The following RPRD1A variants were observed in gnomAD, a reference collection of about 807,000 sequenced individuals.
The protein encoded by RPRD1A is regulation of nuclear pre-mRNA domain containing 1A, also known as regulation of nuclear pre-mRNA domain-containing protein 1A.
RPRD1A carries 9 observed loss-of-function variants against 37.8 expected under a neutral mutation model. The observed-to-expected ratio is 0.24, with a 90% confidence interval of 0.14 to 0.42. RPRD1A has a LOEUF of 0.42. Among genes scored for constraint, RPRD1A ranks in the 10% least tolerant of loss-of-function variants. The pLI, the probability that RPRD1A is intolerant of heterozygous loss-of-function variation, is 1.00. For synonymous variants in RPRD1A, 138 were observed against 139.7 expected, an observed-to-expected ratio of 0.99 and a Z score of 0.08; for missense variants, 255 against 371.0, an observed-to-expected ratio of 0.69 and a Z score of 2.57.
At chr18:36,020,122 A>T (rs1910894100) in intron 6 of RPRD1A, among the ~76,000 whole-genome samples, 1 of 152,212 alleles carries the variant, frequency 6.6e-6, no homozygotes, top group Non-Finnish European at 1.5e-5. Context: ...ATAATGACCG[A>T]AAGTAATGTA....
chr18:36,055,990 T>C (rs897342042), intron 1 of RPRD1A, among the ~76,000 whole-genome samples: 1 of 152,100 alleles, frequency 6.6e-6, no homozygotes, highest in African/African-American at 2.4e-5. Flanking sequence ...TCTATCAAGG[T>C]CTCTTAAATC....
Position 36,026,835 on chromosome 18 carries a change from T to C in RPRD1A, c.789+65A>G. On this transcript the variant is annotated intron_variant, in intron 6 of 6. Coordinates refer to ENST00000399022, the MANE Select transcript of RPRD1A (RefSeq NM_018170.5). ...CAAAATGTGCACATAGATTAAAATA[T>C]TTTAAAATTCCTAACAAAAAGAGAA... 1.4e-6 allele frequency: 2 copies of C among 1,465,456 alleles called. No individual in the cohort carries two copies. The highest frequency in any genetic ancestry group is 1.8e-6 in the Non-Finnish European group (2 of 1,084,794). 90.8% of individuals were successfully genotyped at this position (1,465,456 alleles called of 1,614,324 possible). A position where few individuals can be genotyped will look rare whatever the true frequency, so the allele number is the denominator to read the frequency against.
intron 1 of RPRD1A, among the ~76,000 whole-genome samples, chr18:36,049,320 TTTC>T (rs1160351553): frequency 6.6e-6 from 1 of 152,232 alleles, no homozygotes; most frequent in Non-Finnish European, 1.5e-5. Context: ...GAGAAACTAA[TTTC>T]TTTTTTAAAC....
At chr18:35,994,063 A>C (rs1908874926) in intron 6 of RPRD1A, among the ~76,000 whole-genome samples, 1 of 152,178 alleles carries the variant, frequency 6.6e-6, no homozygotes, top group Non-Finnish European at 1.5e-5. Context: ...CCCTTTCTCC[A>C]AAAGCTCAGC....
chr18:36,017,089 T>C (rs952406197), intron 6 of RPRD1A, among the ~76,000 whole-genome samples: 4 of 151,962 alleles, frequency 2.6e-5, no homozygotes, highest in Non-Finnish European at 5.9e-5. Flanking sequence ...GTGGATCACC[T>C]ACCTGAGCCC....
chr18:36,002,642 T>C (rs1332714279), intron 6 of RPRD1A, among the ~76,000 whole-genome samples: 1 of 152,238 alleles, frequency 6.6e-6, no homozygotes, highest in Non-Finnish European at 1.5e-5. Flanking sequence ...CTACTTTTTC[T>C]GTTAGACCCC....
Position 36,067,508 on chromosome 18 carries a change from G to T in RPRD1A, c.-104C>A. 1.6e-6 allele frequency: 2 copies of T among 1,227,066 alleles called. No homozygotes were observed. The highest frequency in any genetic ancestry group is 3.0e-5 in the South Asian group (2 of 66,884). 76.0% of individuals were successfully genotyped at this position (1,227,066 alleles called of 1,614,324 possible). A position where few individuals can be genotyped will look rare whatever the true frequency, so the allele number is the denominator to read the frequency against. ...GCCCCCTCACCCCACCCTTCCCCAC[G>T]CTCTCACCACGGCCGCCGCTTCATC... On this transcript the variant is annotated 5_prime_UTR_variant, in exon 1 of 7. Coordinates refer to ENST00000399022, the MANE Select transcript of RPRD1A (RefSeq NM_018170.5).
At chr18:36,013,549 G>A (rs1470749487) in intron 6 of RPRD1A, among the ~76,000 whole-genome samples, 2 of 151,878 alleles carry the variant, frequency 1.3e-5, no homozygotes, top group African/African-American at 4.8e-5. Flanking sequence ...TAGGATAAAG[G>A]AAAAAAATAC....
chr18:36,007,672 G>A (rs1179188237), intron 6 of RPRD1A, among the ~76,000 whole-genome samples: 1 of 152,180 alleles, frequency 6.6e-6, no homozygotes, highest in Non-Finnish European at 1.5e-5. Flanking sequence ...GGGCACGGTG[G>A]CTCATGCCTG....
Position 36,037,161 on chromosome 18 carries a change from C to T in RPRD1A, c.152-3324G>A, listed in dbSNP as rs1169905501. ...TCTCCCCATGAATATATCACACCAA[C>T]ACAGAAACAATCATAAATAACATAT... On this transcript the variant is annotated intron_variant, in intron 1 of 6. Transcript: ENST00000399022. Among the ~76,000 whole-genome samples the T allele has an allele frequency of 2.6e-5, 4 of 152,148 alleles. No homozygotes were observed. The East Asian group carries it at 7.7e-4, about 29-fold the overall frequency.
chr18:36,008,577 G>GTGTGTGTGTATATA lies in RPRD1A; in HGVS notation c.790-15278_790-15277insTATATACACACACA. On this transcript the variant is annotated intron_variant, in intron 6 of 6. Transcript: ENST00000399022. ...GGCGACACAGCAAGACCTTGTGTGT[G>GTGTGTGTGTATATA]TATATATATATATCTTTAAAAATCT... Among the ~76,000 whole-genome samples the GTGTGTGTGTATATA allele has an allele frequency of 3.8e-4, 18 of 47,800 alleles. 3 individuals carry two copies. Among genetic ancestry groups the GTGTGTGTGTATATA allele is most frequent in the Admixed American group, 2.5e-3 (9 of 3,558 alleles). The allele number at this position is 47,800 out of a possible 152,430, so 31.4% of individuals were successfully genotyped here.
rs771643524 is a variant in RPRD1A at position 36,026,956 on chromosome 18, C to T, written c.733G>A (p.Ala245Thr). The T allele has an allele frequency of 6.2e-7, 1 of 1,614,000 alleles. No individual in the cohort carries two copies. Among genetic ancestry groups the T allele is most frequent in the South Asian group, 1.1e-5 (1 of 91,064 alleles). ...DDRKQLTRML[A>T]DFLRCQKEAL... ...TCCTTTTGACAACGAAGAAAATCTG[C>T]TAACATTCGAGTGAGTTGCTTTCTA... The change falls in exon 6 of 7, where the codon GCA becomes ACA. Residue 245 changes from alanine (A) to threonine (T), a missense_variant. Around this residue, in one of 2 missense-constraint regions of RPRD1A, gnomAD observed 211 missense variants for 268.9 expected, o/e 0.78. Transcript: ENST00000399022.
chr18:36,059,945 T>C (rs2088872466), intron 1 of RPRD1A, among the ~76,000 whole-genome samples: 1 of 152,180 alleles, frequency 6.6e-6, no homozygotes, highest in African/African-American at 2.4e-5. Flanking sequence ...CCATGTCAGT[T>C]TGACAACATT....
intron 6 of RPRD1A, among the ~76,000 whole-genome samples, chr18:36,004,383 T>C (rs1380814792): frequency 1.3e-5 from 2 of 151,844 alleles, no homozygotes; most frequent in Admixed American, 6.6e-5. Context: ...GCCTCCCGAG[T>C]AGCTAGGACT....
Position 36,008,577 on chromosome 18 carries a change from G to GTGTGTGTATA in RPRD1A, c.790-15278_790-15277insTATACACACA. 3.8e-4 allele frequency among the ~76,000 whole-genome samples: 18 copies of GTGTGTGTATA among 47,798 alleles called. 4 individuals are homozygous for GTGTGTGTATA. The highest frequency in any genetic ancestry group is 3.7e-3 in the South Asian group (4 of 1,094). 31.4% of individuals were successfully genotyped at this position (47,798 alleles called of 152,430 possible). The stretch of plus-strand genomic sequence containing the variant: ...GGCGACACAGCAAGACCTTGTGTGT[G>GTGTGTGTATA]TATATATATATATCTTTAAAAATCT... On this transcript the variant is annotated intron_variant, in intron 6 of 6. Coordinates refer to ENST00000399022, the MANE Select transcript of RPRD1A (RefSeq NM_018170.5).
At chr18:35,996,665 A>T (rs1024115670) in intron 6 of RPRD1A, among the ~76,000 whole-genome samples, 7 of 152,222 alleles carry the variant, frequency 4.6e-5, no homozygotes, top group Admixed American at 2.0e-4. Context: ...TTGTATTATC[A>T]ACACTGTGAT....
intron 2 of RPRD1A, among the ~76,000 whole-genome samples, 184 bp from the exon 3 acceptor site, chr18:36,031,281 C>T (rs943368203): frequency 1.3e-5 from 2 of 152,138 alleles, no homozygotes; most frequent in Non-Finnish European, 2.9e-5. Flanking sequence ...AGACACACTG[C>T]TTGCTTCTAG....
intron 6 of RPRD1A, among the ~76,000 whole-genome samples, chr18:36,005,354 A>G (rs1013148837): frequency 1.3e-5 from 2 of 151,654 alleles, no homozygotes; most frequent in Non-Finnish European, 2.9e-5. Flanking sequence ...AAAACAAAAA[A>G]AGAAAACATA....
chr18:36,039,026 C>G lies in RPRD1A; in HGVS notation c.152-5189G>C, dbSNP rs78488996. Among the ~76,000 whole-genome samples, 1,143 of 152,258 alleles carry G rather than the reference C, an allele frequency of 7.5e-3. 20 individuals carry two copies. Among genetic ancestry groups the G allele is most frequent in the African/African-American group, 0.026 (1,092 of 41,530 alleles). ...TCTCAGGTGAGACTTTGGGCTTGGA[C>G]TTTTGAGTTAATGCTAGAATGAGTT... On this transcript the variant is annotated intron_variant, in intron 1 of 6. Coordinates refer to ENST00000399022, the MANE Select transcript of RPRD1A (RefSeq NM_018170.5).
Sources: gnomAD v4.1 joint callset for allele counts (sites outside exome capture counted in the v4.1 genomes callset) on GRCh38, gnomAD v4.1.1 for gene constraint, gnomAD v4.1.1 regional missense constraint, MANE v1.5 for transcripts, NCBI Gene and HGNC (gene_info 2026-07-23, HGNC 2026-07-21) for gene names.